QKI: variants seen among roughly 807,000 people sequenced by gnomAD.
QKI encodes the protein KH domain-containing RNA-binding protein QKI.
In QKI, 10 loss-of-function variants were observed where a neutral mutation model predicts 39.0. That is an observed-to-expected ratio of 0.26 (90% CI 0.16 to 0.43). QKI has a LOEUF of 0.43. QKI is among the 20% of genes least tolerant of loss of function. The probability of loss-of-function intolerance (pLI) is 1.00; values close to 1 mark genes in which losing one functional copy is unlikely to be tolerated. For synonymous variants in QKI, 204 were observed against 155.4 expected (o/e 1.31, Z -2.33); for missense variants, 218 against 428.0 (o/e 0.51, Z 4.33).
intron 3 of QKI, among the ~76,000 whole-genome samples, chr6:163,482,095 G>C (rs1240176513): frequency 6.6e-6 from 1 of 152,098 alleles, no homozygotes; most frequent in Non-Finnish European, 1.5e-5. Flanking sequence ...TGAGGAGGGA[G>C]GATGCTTGAG....
intron 4 of QKI, among the ~76,000 whole-genome samples, chr6:163,550,948 CA>C (rs398003272): frequency 3.4e-4 from 47 of 136,364 alleles, no homozygotes; most frequent in Admixed American, 4.4e-4. Context: ...CTCTGTCTCA[CA>C]AAAAAAAAAA....
chr6:163,425,983 G>A (rs960973465), intron 1 of QKI, among the ~76,000 whole-genome samples: 3 of 152,064 alleles, frequency 2.0e-5, no homozygotes, highest in South Asian at 2.1e-4. Context: ...GTTTATTTTA[G>A]GTAAATGAGA....
intron 3 of QKI, among the ~76,000 whole-genome samples, 182 bp downstream of exon 3, chr6:163,479,078 G>A (rs967308181): frequency 3.3e-5 from 5 of 152,078 alleles, no homozygotes; most frequent in Admixed American, 6.5e-5. Context: ...CTGAGGTCAG[G>A]AGTTTGAGAC....
chr6:163,569,666 G>C (rs1158528886), intron 7 of QKI: 1 of 999,006 alleles, frequency 1.0e-6, no homozygotes, highest in East Asian at 1.1e-4. Flanking sequence ...AAGTTTTTTT[G>C]TCCTTTTTGT....
intron 3 of QKI, among the ~76,000 whole-genome samples, chr6:163,505,504 C>G (rs1386613783): frequency 6.6e-6 from 1 of 152,208 alleles, no homozygotes; most frequent in Non-Finnish European, 1.5e-5. Flanking sequence ...CCATCCCTTG[C>G]AACAACGTGT....
chr6:163,548,066 T>C (rs1782000906), intron 4 of QKI, among the ~76,000 whole-genome samples: 1 of 152,224 alleles, frequency 6.6e-6, no homozygotes, highest in South Asian at 2.1e-4. Flanking sequence ...GTTTACGTAG[T>C]GTATTTTGGC....
At chr6:163,542,302 T>C (rs1030412762) in intron 4 of QKI, among the ~76,000 whole-genome samples, 2 of 152,016 alleles carry the variant, frequency 1.3e-5, no homozygotes, top group Non-Finnish European at 2.9e-5. Flanking sequence ...TATTTCTTAG[T>C]CAAGACTTTA....
chr6:163,419,962 A>T (rs1327798214), intron 1 of QKI, among the ~76,000 whole-genome samples: 1 of 152,152 alleles, frequency 6.6e-6, no homozygotes, highest in Non-Finnish European at 1.5e-5. Flanking sequence ...CCTGGAGCTG[A>T]TTGAAATTGG....
chr6:163,537,530 G>C (rs1012736328), intron 4 of QKI, among the ~76,000 whole-genome samples: 2 of 152,122 alleles, frequency 1.3e-5, no homozygotes, highest in Non-Finnish European at 2.9e-5. Context: ...CTTTAATAGT[G>C]AGGTTCATAA....
chr6:163,471,932 T>C (rs1342183469), intron 2 of QKI, among the ~76,000 whole-genome samples: 1 of 152,026 alleles, frequency 6.6e-6, no homozygotes, highest in Non-Finnish European at 1.5e-5. Context: ...GAAAATAAAT[T>C]CTATCTATAT....
chr6:163,554,957 T>G (rs1782493702), intron 4 of QKI, among the ~76,000 whole-genome samples: 1 of 152,190 alleles, frequency 6.6e-6, no homozygotes, highest in South Asian at 2.1e-4. Flanking sequence ...CATAAACCCC[T>G]TTGTTTAAGT....
At chr6:163,461,023 ATTAAAG>A (rs1196759619) in intron 2 of QKI, among the ~76,000 whole-genome samples, 1 of 152,226 alleles carries the variant, frequency 6.6e-6, no homozygotes, top group Non-Finnish European at 1.5e-5. Flanking sequence ...CAGATTACAT[ATTAAAG>A]TTTTAATTTA....
At chr6:163,430,093 G>C (rs1788709077) in intron 1 of QKI, among the ~76,000 whole-genome samples, 1 of 152,140 alleles carries the variant, frequency 6.6e-6, no homozygotes, top group Admixed American at 6.5e-5. Flanking sequence ...TCTAGACACA[G>C]GGAACGGTGT....
At chr6:163,443,964 A>G (rs185146772) in intron 1 of QKI, among the ~76,000 whole-genome samples, 394 of 152,332 alleles carry the variant, frequency 2.6e-3, no homozygotes, top group Non-Finnish European at 4.2e-3. Flanking sequence ...TGGAGCTTCA[A>G]GAGGGCGAAA....
intron 2 of QKI, 66 bp from the exon 3 acceptor site, chr6:163,478,712 TTA>T (rs1205184874): frequency 9.7e-7 from 1 of 1,028,440 alleles, no homozygotes; most frequent in Non-Finnish European, 1.5e-6. Flanking sequence ...TAGATATACT[TTA>T]TATTTTAAGA....
intron 2 of QKI, among the ~76,000 whole-genome samples, chr6:163,466,935 C>T (rs560372557): frequency 1.3e-5 from 2 of 151,542 alleles, no homozygotes; most frequent in South Asian, 4.2e-4. Context: ...AATGAAAAGG[C>T]AACCTACAGA....
At chr6:163,470,788 AG>A (rs1441606653) in intron 2 of QKI, among the ~76,000 whole-genome samples, 4 of 152,168 alleles carry the variant, frequency 2.6e-5, no homozygotes, top group Non-Finnish European at 5.9e-5. Context: ...ATTTGAAGAG[AG>A]AATTAGTAAA....
At chr6:163,570,377 C>T in intron 7 of QKI, 1 of 983,324 alleles carries the variant, frequency 1.0e-6, no homozygotes, top group Non-Finnish European at 1.2e-6. Context: ...TTTTCAATTT[C>T]CTTCATTGAC....
chr6:163,455,199 C>T, intron 1 of QKI, 80 bp from the exon 2 acceptor site: 2 of 1,169,502 alleles, frequency 1.7e-6, no homozygotes, highest in African/African-American at 1.6e-5. Context: ...ATGAAACCCT[C>T]CCCTGCCCTC....
Sources: allele counts gnomAD v4.1 joint callset (sites outside exome capture counted in the v4.1 genomes callset), GRCh38; gene constraint gnomAD v4.1.1; transcripts MANE v1.5; gene names NCBI Gene and HGNC (gene_info 2026-07-23, HGNC 2026-07-21).